The following CNTNAP2 variants were observed in gnomAD, a reference collection of about 807,000 sequenced individuals.
CNTNAP2 encodes contactin associated protein 2.
CNTNAP2 carries 98 observed loss-of-function variants against 155.2 expected under a neutral mutation model. The ratio of observed to expected loss-of-function variants is 0.63; its 90% CI spans 0.54 to 0.75. The LOEUF is 0.75. Ranked by LOEUF, CNTNAP2 falls within the 30% of genes least tolerant of loss-of-function variation. The pLI is 0.00. For missense variants in CNTNAP2, 1,727 were observed against 1,688.1 expected (o/e 1.02, Z -0.40); for synonymous variants, 651 against 631.2 (o/e 1.03, Z -0.47).
chr7:147,273,872 T>C (rs1236183339), intron 8 of CNTNAP2, among the ~76,000 whole-genome samples: 1 of 147,834 alleles, frequency 6.8e-6, no homozygotes, highest in Admixed American at 6.8e-5. Flanking sequence ...ATGTAATATA[T>C]GTATATTATA....
At chr7:147,404,811 C>G (rs538877940) in intron 10 of CNTNAP2, among the ~76,000 whole-genome samples, 4 of 152,132 alleles carry the variant, frequency 2.6e-5, no homozygotes, top group African/African-American at 9.6e-5. Flanking sequence ...CATACCCAGG[C>G]GAACCCATGT....
chr7:147,403,647 A>T (rs1329611717), intron 10 of CNTNAP2, among the ~76,000 whole-genome samples: 1 of 152,192 alleles, frequency 6.6e-6, no homozygotes, highest in Admixed American at 6.5e-5. Context: ...GCTCTCAAAA[A>T]TATAGCTTTT....
intron 3 of CNTNAP2, among the ~76,000 whole-genome samples, chr7:146,869,657 G>T (rs1395008403): frequency 1.3e-5 from 2 of 152,116 alleles, no homozygotes. Flanking sequence ...AGAGCCCCTT[G>T]CAAACCACTG....
chr7:147,342,679 G>A (rs1163275258), intron 9 of CNTNAP2, among the ~76,000 whole-genome samples: 1 of 152,110 alleles, frequency 6.6e-6, no homozygotes, highest in Non-Finnish European at 1.5e-5. Flanking sequence ...AACCCAGGTG[G>A]CATAATAAAA....
rs71188948 is a variant in CNTNAP2, at chr7:148,150,102, C to CAAAA, written c.2773+2418_2773+2421dup. On this transcript the variant is annotated intron_variant, in intron 17 of 23. Transcript: ENST00000361727. ...TCAGGTGAAGTGAGAGGGGTTGTTA[C>CAAAA]AAAAAAAAAAAAAAAAAAAAAAAAA... Among the ~76,000 whole-genome samples, 5 of 84,528 alleles carry CAAAA rather than the reference C, an allele frequency of 5.9e-5. No individual in the cohort carries two copies. In the South Asian group the frequency reaches 1.2e-3, roughly 20 times the overall value. The allele number at this position is 84,528 out of a possible 152,430, so 55.5% of individuals were successfully genotyped here.
At chr7:147,233,805 A>G (rs554452794) in intron 8 of CNTNAP2, among the ~76,000 whole-genome samples, 1 of 152,228 alleles carries the variant, frequency 6.6e-6, no homozygotes, top group East Asian at 1.9e-4. Flanking sequence ...AAACAAAGAT[A>G]TATAATTTAA....
Position 148,102,252 on chromosome 7 carries a change from G to C in CNTNAP2, c.2384-15866G>C, listed in dbSNP as rs189587640. Among the ~76,000 whole-genome samples, 463 of 152,250 alleles carry C rather than the reference G, an allele frequency of 3.0e-3. 6 individuals carry two copies. The highest frequency in any genetic ancestry group is 2.2e-3 in the Non-Finnish European group (152 of 68,000). ...GGTATTTGATTTTCTGTGTCAGTTT[G>C]CTGGGGATGATGGCCTTCAGCCCCA... is the stretch of plus-strand genomic sequence containing the variant. On this transcript the variant is annotated intron_variant, in intron 15 of 23. Coordinates refer to ENST00000361727, the MANE Select transcript of CNTNAP2 (RefSeq NM_014141.6).
intron 3 of CNTNAP2, among the ~76,000 whole-genome samples, chr7:146,856,360 G>C (rs1794987362): frequency 6.6e-6 from 1 of 151,368 alleles, no homozygotes; most frequent in South Asian, 2.1e-4. Context: ...GCAATAGATA[G>C]ATAAAATGAG....
intron 12 of CNTNAP2, among the ~76,000 whole-genome samples, chr7:147,589,502 C>G (rs544416659): frequency 3.9e-5 from 6 of 152,182 alleles, no homozygotes; most frequent in African/African-American, 1.2e-4. Context: ...TAGAAGTAAC[C>G]AGCAACCTGA....
At chr7:146,745,977 G>A (rs1181287396) in intron 1 of CNTNAP2, among the ~76,000 whole-genome samples, 1 of 152,176 alleles carries the variant, frequency 6.6e-6, no homozygotes, top group Non-Finnish European at 1.5e-5. Context: ...AGCACTGGCA[G>A]TAAGTCATTA....
rs185099945 is a variant in CNTNAP2, at chr7:146,827,731, G to T, written c.209-11980G>T. Among the ~76,000 whole-genome samples the T allele has an allele frequency of 5.3e-5, 8 of 152,012 alleles. No homozygotes were observed. The East Asian group carries it at 1.6e-3, about 30-fold the overall frequency. ...AACTGACATAACTTTTCCTTTCTTTGCAACATTGATATTTGCCTTCAACTG... is the reference window on the plus strand; with the variant it reads ...AACTGACATAACTTTTCCTTTCTTTTCAACATTGATATTTGCCTTCAACTG... On this transcript the variant is annotated intron_variant, in intron 2 of 23. Transcript: ENST00000361727.
In CNTNAP2 at chr7:147,713,705, A is replaced by C. The variant is rs79610427; in HGVS notation, c.2098+74399A>C. Among the ~76,000 whole-genome samples the C allele has an allele frequency of 4.2e-3, 632 of 152,264 alleles. 5 individuals are homozygous for C. The highest frequency in any genetic ancestry group is 0.014 in the African/African-American group (575 of 41,560). On this transcript the variant is annotated intron_variant, in intron 13 of 23. Transcript: ENST00000361727. Reference sequence around the variant, plus strand: ...TGGTAAGTGAATGTTTAAATTGATGAGAAACTGCTAAACTGTTTTCTATGG... The same window carrying C: ...TGGTAAGTGAATGTTTAAATTGATGCGAAACTGCTAAACTGTTTTCTATGG...
intron 13 of CNTNAP2, among the ~76,000 whole-genome samples, chr7:147,721,631 T>G (rs1332277849): frequency 6.6e-6 from 1 of 152,122 alleles, no homozygotes; most frequent in Non-Finnish European, 1.5e-5. Context: ...GAGTTCCCTT[T>G]ACATATTTCT....
At chr7:147,736,462 CTTCAT>C (rs1162459968) in intron 13 of CNTNAP2, among the ~76,000 whole-genome samples, 1 of 152,054 alleles carries the variant, frequency 6.6e-6, no homozygotes, top group Non-Finnish European at 1.5e-5. Flanking sequence ...ACATTTTTTT[CTTCAT>C]TTCAACTTTG....
At chr7:147,022,325 T>C (rs1401783148) in intron 3 of CNTNAP2, among the ~76,000 whole-genome samples, 2 of 152,074 alleles carry the variant, frequency 1.3e-5, no homozygotes, top group Non-Finnish European at 2.9e-5. Flanking sequence ...TTGAAGAACT[T>C]CCTACCCAAC....
intron 12 of CNTNAP2, among the ~76,000 whole-genome samples, chr7:147,631,558 T>A (rs536418238): frequency 7.2e-5 from 11 of 152,286 alleles, no homozygotes; most frequent in African/African-American, 2.6e-4. Flanking sequence ...TCTGGAGGCA[T>A]CACGTTACCC....
chr7:147,535,317 A>C (rs1450111164), intron 11 of CNTNAP2, among the ~76,000 whole-genome samples: 1 of 152,112 alleles, frequency 6.6e-6, no homozygotes, highest in African/African-American at 2.4e-5. Flanking sequence ...GCTTGAACCC[A>C]GGAGGCGGAG....
At chr7:146,336,452 T>G (rs569141185) in intron 1 of CNTNAP2, among the ~76,000 whole-genome samples, 1 of 152,202 alleles carries the variant, frequency 6.6e-6, no homozygotes, top group Admixed American at 6.5e-5. Flanking sequence ...CTACAAACTT[T>G]TAGAATATAA....
At chr7:146,380,980 A>G (rs1462380117) in intron 1 of CNTNAP2, among the ~76,000 whole-genome samples, 1 of 150,358 alleles carries the variant, frequency 6.7e-6, no homozygotes, top group African/African-American at 2.4e-5. Context: ...TTGTATTTTT[A>G]GTAGAGACAG....
Sources: gnomAD v4.1 joint callset for allele counts (sites outside exome capture counted in the v4.1 genomes callset) on GRCh38, gnomAD v4.1.1 for gene constraint, MANE v1.5 for transcripts, NCBI Gene and HGNC (gene_info 2026-07-23, HGNC 2026-07-21) for gene names.